The following EHMT1 variants were observed in gnomAD, a reference collection of about 807,000 sequenced individuals.
The protein encoded by EHMT1 is euchromatic histone lysine methyltransferase 1, also known as histone-lysine N-methyltransferase EHMT1.
In EHMT1, 15 loss-of-function variants were observed where a neutral mutation model predicts 147.2. That is an observed-to-expected ratio of 0.10 (90% CI 0.07 to 0.16). EHMT1 has a LOEUF of 0.16. EHMT1 is among the 10% of genes least tolerant of loss of function. EHMT1 has a pLI of 1.00. For missense variants in EHMT1, 1,587 were observed against 1,772.4 expected (o/e 0.90, Z 1.88); for synonymous variants, 795 against 709.6 (o/e 1.12, Z -1.91).
chr9:137,724,507 C>T (rs926093708), intron 3 of EHMT1, among the ~76,000 whole-genome samples: 4 of 152,248 alleles, frequency 2.6e-5, no homozygotes, highest in Non-Finnish European at 4.4e-5. Context: ...CTTAGTCTTA[C>T]TGTTGAGATT....
At chr9:137,721,217 C>T (rs867654006) in intron 3 of EHMT1, among the ~76,000 whole-genome samples, 2 of 111,094 alleles carry the variant, frequency 1.8e-5, no homozygotes, top group Non-Finnish European at 4.1e-5. Context: ...CCAGACTTCT[C>T]ACACTCACCC....
At chr9:137,630,504 A>G (rs1191928951) in intron 1 of EHMT1, among the ~76,000 whole-genome samples, 1 of 152,240 alleles carries the variant, frequency 6.6e-6, no homozygotes, top group Non-Finnish European at 1.5e-5. Flanking sequence ...AGGTGGACAA[A>G]GTGTACATTA....
chr9:137,801,117 G>A, intron 18 of EHMT1, 133 bp downstream of exon 18: 1 of 782,990 alleles, frequency 1.3e-6, no homozygotes, highest in Non-Finnish European at 2.2e-6. Flanking sequence ...GGCAGCATCG[G>A]CCCGGCACTG....
intron 1 of EHMT1, chr9:137,697,045 C>A: frequency 3.2e-6 from 1 of 313,734 alleles, no homozygotes; most frequent in Admixed American, 3.5e-5. Context: ...CTCTGGGAGG[C>A]TGAGGCGGGC....
At chr9:137,689,452 C>A (rs191980636) in intron 1 of EHMT1, among the ~76,000 whole-genome samples, 1 of 152,196 alleles carries the variant, frequency 6.6e-6, no homozygotes, top group Non-Finnish European at 1.5e-5. Context: ...TGCTGTTAAT[C>A]CCAGCACTTT....
At position 137,777,261 on chromosome 9, in the gene EHMT1, GA is replaced by G. The variant is rs563372736; in HGVS notation, c.2018+418del. ...TAATTAGAAGTGTTCATATTAGACA[GA>G]TACAATTGTCTTCCTGAAAGAGTCC... On this transcript the variant is annotated intron_variant, in intron 12 of 26. Transcript: ENST00000460843. 2.5e-3 allele frequency: 525 copies of G among 213,626 alleles called. 5 individuals are homozygous for G. Among genetic ancestry groups the G allele is most frequent in the Non-Finnish European group, 5.8e-4 (61 of 105,452 alleles). 13.2% of individuals were successfully genotyped at this position (213,626 alleles called of 1,614,324 possible). A position where few individuals can be genotyped will look rare whatever the true frequency, so the allele number is the denominator to read the frequency against.
In EHMT1 at chr9:137,762,929, C is replaced by T. The variant is rs116642604; in HGVS notation, c.1647+109C>T. ...AGTGAGTTGTGCTGCGTGACCAGGG[C>T]GGGAGCCTGAGTGGATTCTGCGCAG... On this transcript the variant is annotated intron_variant, in intron 10 of 26. Coordinates refer to ENST00000460843, the MANE Select transcript of EHMT1 (RefSeq NM_024757.5). 1.9e-3 allele frequency: 2,770 copies of T among 1,477,880 alleles called. 37 individuals are homozygous for T. In the African/African-American group the frequency reaches 0.032, roughly 17 times the overall value. 91.5% of individuals were successfully genotyped at this position (1,477,880 alleles called of 1,614,324 possible). A position where few individuals can be genotyped will look rare whatever the true frequency, so the allele number is the denominator to read the frequency against.
intron 9 of EHMT1, among the ~76,000 whole-genome samples, chr9:137,758,388 T>C (rs111497493): frequency 2.6e-5 from 4 of 152,336 alleles, no homozygotes; most frequent in African/African-American, 9.6e-5. Context: ...GGCTGAAATA[T>C]GTCCCTGGTC....
intron 18 of EHMT1, chr9:137,803,127 T>TA: frequency 8.1e-7 from 1 of 1,228,800 alleles, no homozygotes; most frequent in Non-Finnish European, 1.0e-6. Flanking sequence ...TCAGAGCTGT[T>TA]AGCTCTCTGA....
At chr9:137,706,521 C>G (rs1185660695) in intron 1 of EHMT1, among the ~76,000 whole-genome samples, 1 of 152,236 alleles carries the variant, frequency 6.6e-6, no homozygotes, top group Non-Finnish European at 1.5e-5. Context: ...GAGTCTCGCT[C>G]TGTTGCCCAG....
chr9:137,789,605 G>A (rs1377196752), intron 15 of EHMT1, among the ~76,000 whole-genome samples: 1 of 152,210 alleles, frequency 6.6e-6, no homozygotes, highest in East Asian at 1.9e-4. Flanking sequence ...GCGCCTCCAG[G>A]CCTCAGCCTT....
chr9:137,775,174 C>T lies in EHMT1; in HGVS notation c.1713C>T (p.Leu571=), dbSNP rs770898796. The stretch of plus-strand genomic sequence containing the variant: ...TGCGCCCCTCCAACAAGGCCCCGCT[C>T]CTCGTGCTGTGTGAAGACCACCGGG... The part of the protein sequence containing the change: ...ELMRPSNKAP[L]LVLCEDHRGR... The change falls in exon 11 of 27, where the codon CTC becomes CTT. Residue 571 remains leucine, a synonymous_variant. Transcript: ENST00000460843. This position sits in a 1 kb window ranked among gnomAD's most constrained non-coding sequence, Gnocchi z 6.1. The T allele has an allele frequency of 6.2e-7, 1 of 1,613,980 alleles. No homozygotes were observed. Among genetic ancestry groups the T allele is most frequent in the East Asian group, 2.2e-5 (1 of 44,856 alleles).
In EHMT1 at chr9:137,762,971, C is replaced by T. The variant is rs561300248; in HGVS notation, c.1647+151C>T. On this transcript the variant is annotated intron_variant, in intron 10 of 26. Coordinates refer to ENST00000460843, the MANE Select transcript of EHMT1 (RefSeq NM_024757.5). ...TCTGCGCAGAACCAATCGAGCAGAT[C>T]CCAACAGTGAAATCACGGCAGATGA... 31 of 963,558 alleles carry T rather than the reference C, an allele frequency of 3.2e-5. No homozygotes were observed. In the South Asian group the frequency reaches 4.0e-4, roughly 12 times the overall value. The allele number at this position is 963,558 out of a possible 1,614,324, so 59.7% of individuals were successfully genotyped here. A position where few individuals can be genotyped will look rare whatever the true frequency, so the allele number is the denominator to read the frequency against.
At chr9:137,715,461 G>T in intron 2 of EHMT1, 1 of 882,202 alleles carries the variant, frequency 1.1e-6, no homozygotes, top group Non-Finnish European at 1.4e-6. Context: ...TCGGGTGGAA[G>T]GACAGACGGC....
intron 4 of EHMT1, 38 bp from the exon 5 acceptor site, chr9:137,743,333 C>CT: frequency 6.5e-7 from 1 of 1,541,172 alleles, no homozygotes; most frequent in Non-Finnish European, 8.7e-7. Context: ...GTTTCTTTTC[C>CT]TTTCTTGTCC....
chr9:137,678,559 C>T (rs1941615808), intron 1 of EHMT1, among the ~76,000 whole-genome samples: 1 of 152,174 alleles, frequency 6.6e-6, no homozygotes, highest in South Asian at 2.1e-4. Flanking sequence ...TAGCCTCACT[C>T]ACCTGGGATG....
intron 25 of EHMT1, among the ~76,000 whole-genome samples, chr9:137,829,670 C>G (rs1956059599): frequency 6.6e-6 from 1 of 152,260 alleles, no homozygotes; most frequent in Non-Finnish European, 1.5e-5. Flanking sequence ...CTACCAGCAG[C>G]CCACACAGTG....
At chr9:137,806,441 C>CA (rs1263582660) in intron 18 of EHMT1, among the ~76,000 whole-genome samples, 5 of 145,366 alleles carry the variant, frequency 3.4e-5, no homozygotes, top group African/African-American at 1.0e-4. Flanking sequence ...GCTCTTGCAG[C>CA]TTTTTTTTTT....
intron 4 of EHMT1, among the ~76,000 whole-genome samples, chr9:137,741,571 G>A (rs901115296): frequency 2.0e-5 from 3 of 152,154 alleles, no homozygotes; most frequent in Non-Finnish European, 4.4e-5. Context: ...ATAACCATGG[G>A]TTACTGAGAT....
Sources: allele counts gnomAD v4.1 joint callset (sites outside exome capture counted in the v4.1 genomes callset), GRCh38; gene constraint gnomAD v4.1.1; non-coding constraint Gnocchi (gnomAD v3.1); transcripts MANE v1.5; gene names NCBI Gene and HGNC (gene_info 2026-07-23, HGNC 2026-07-21).